The following ZNF248 variants were observed in gnomAD, a reference collection of about 807,000 sequenced individuals.
ZNF248 encodes zinc finger protein 248, also known as KRAB protein domain.
A neutral mutation model predicts 44.3 loss-of-function variants in ZNF248; 20 were observed. The observed-to-expected ratio is 0.45, with a 90% CI of 0.32 to 0.66. The LOEUF is 0.66. ZNF248 is among the 30% of genes least tolerant of loss of function. ZNF248 has a pLI of 0.04. For missense variants in ZNF248, 654 were observed against 677.0 expected (o/e 0.97, Z 0.38); for synonymous variants, 224 against 229.0 (o/e 0.98, Z 0.20).
chr10:37,767,683 A>C, the ZNF248 span, among the ~76,000 whole-genome samples: 1 of 152,102 alleles, frequency 6.6e-6, no homozygotes, highest in Admixed American at 6.5e-5. Context: ...CCAAAATGTA[A>C]AGACCAATCA....
intron 3 of ZNF248, among the ~76,000 whole-genome samples, chr10:37,842,809 T>C (rs998658447): frequency 1.3e-5 from 2 of 152,124 alleles, no homozygotes; most frequent in Non-Finnish European, 2.9e-5. Context: ...TTTGGGAAAT[T>C]TGGGCTTTCA....
the ZNF248 span, among the ~76,000 whole-genome samples, chr10:37,767,962 G>A: frequency 2.6e-5 from 4 of 152,140 alleles, no homozygotes; most frequent in African/African-American, 9.6e-5. Flanking sequence ...CAAAAAAAGG[G>A]AGGGGTTGCA....
chr10:37,766,180 G>A, the ZNF248 span, among the ~76,000 whole-genome samples: 12 of 152,234 alleles, frequency 7.9e-5, no homozygotes, highest in Admixed American at 6.5e-4. Flanking sequence ...CACCTGTGGG[G>A]GCAGGGCACA....
intron 3 of ZNF248, among the ~76,000 whole-genome samples, chr10:37,850,348 CAG>C (rs1253773693): frequency 1.3e-5 from 2 of 152,144 alleles, no homozygotes; most frequent in African/African-American, 2.4e-5. Flanking sequence ...GAAAAAATAG[CAG>C]AGTCAGTCAA....
chr10:37,825,975 T>C (rs976521987), downstream of ZNF248, among the ~76,000 whole-genome samples: 1 of 151,746 alleles, frequency 6.6e-6, no homozygotes, highest in Admixed American at 6.6e-5. Context: ...TGTTCCTCCA[T>C]AATGTTCATT....
intron 6 of ZNF248, chr10:37,820,581 C>CA (rs1050192654): frequency 6.3e-7 from 1 of 1,598,186 alleles, no homozygotes; most frequent in Non-Finnish European, 8.6e-7. Context: ...CCAGCAAACT[C>CA]AAAGTAATCA....
chr10:37,775,089 G>A (rs566087529), downstream of ZNF248, among the ~76,000 whole-genome samples: 1 of 152,112 alleles, frequency 6.6e-6, no homozygotes, highest in South Asian at 2.1e-4. Flanking sequence ...TATTCTTACG[G>A]TCAAAACAAA....
At chr10:37,816,379 C>G (rs1027655693) in intron 6 of ZNF248, among the ~76,000 whole-genome samples, 6 of 152,214 alleles carry the variant, frequency 3.9e-5, no homozygotes, top group African/African-American at 1.4e-4. Flanking sequence ...CTGGCTTCAG[C>G]AAGCTGCTTC....
intron 5 of ZNF248, among the ~76,000 whole-genome samples, chr10:37,836,448 C>T (rs1272550442): frequency 6.6e-6 from 1 of 152,134 alleles, no homozygotes; most frequent in Non-Finnish European, 1.5e-5. Flanking sequence ...TAGCTTCCAA[C>T]CACAGTGATT....
At chr10:37,842,788 GA>G (rs1346129677) in intron 3 of ZNF248, among the ~76,000 whole-genome samples, 1 of 152,130 alleles carries the variant, frequency 6.6e-6, no homozygotes, top group Non-Finnish European at 1.5e-5. Flanking sequence ...AGAAAACCTG[GA>G]AAGGGTTTCT....
intron 6 of ZNF248, among the ~76,000 whole-genome samples, chr10:37,801,385 AC>A (rs920099886): frequency 5.9e-5 from 9 of 152,086 alleles, no homozygotes; most frequent in Middle Eastern, 6.8e-3. Context: ...CAAAAAAAAA[AC>A]ATTATATTGA....
At chr10:37,835,416 T>G (rs998125659) in intron 5 of ZNF248, among the ~76,000 whole-genome samples, 1 of 152,146 alleles carries the variant, frequency 6.6e-6, no homozygotes, top group African/African-American at 2.4e-5. Context: ...GCTCTCTGGT[T>G]TTTGTGTAGC....
intron 6 of ZNF248, among the ~76,000 whole-genome samples, chr10:37,798,625 TAAC>T (rs923162031): frequency 5.3e-5 from 8 of 151,814 alleles, no homozygotes; most frequent in Admixed American, 3.9e-4. Context: ...AATACAAACA[TAAC>T]AAGAAAGGGG....
chr10:37,767,376 A>C, the ZNF248 span, among the ~76,000 whole-genome samples: 1 of 152,182 alleles, frequency 6.6e-6, no homozygotes, highest in Non-Finnish European at 1.5e-5. Context: ...GCCAGAGAGA[A>C]AGGTCGGGTT....
At chr10:37,782,251 A>G (rs1290327138) in intron 6 of ZNF248, among the ~76,000 whole-genome samples, 3 of 152,158 alleles carry the variant, frequency 2.0e-5, no homozygotes, top group Non-Finnish European at 4.4e-5. Context: ...TGAGTTTCAC[A>G]GGTTTGTAGA....
chr10:37,815,966 C>T (rs1002931144), intron 6 of ZNF248, among the ~76,000 whole-genome samples: 6 of 147,112 alleles, frequency 4.1e-5, no homozygotes, highest in Admixed American at 2.8e-4. Flanking sequence ...AGGTCCCAGT[C>T]CTTACATTTC....
the ZNF248 span, among the ~76,000 whole-genome samples, chr10:37,760,821 C>G: frequency 1.3e-5 from 2 of 151,968 alleles, no homozygotes; most frequent in Admixed American, 1.3e-4. Flanking sequence ...GATGACAGAG[C>G]AAGACTCTGT....
chr10:37,828,225 G>A (rs1207485809), downstream of ZNF248, among the ~76,000 whole-genome samples: 2 of 152,130 alleles, frequency 1.3e-5, no homozygotes, highest in East Asian at 1.9e-4. Context: ...ACTCTTCTTC[G>A]AGATCTTATC....
chr10:37,783,078 T>G (rs1411504635), intron 6 of ZNF248, among the ~76,000 whole-genome samples: 1 of 152,128 alleles, frequency 6.6e-6, no homozygotes, highest in Non-Finnish European at 1.5e-5. Context: ...CTAGAAACCT[T>G]TTTTGGGTAT....
Sources: gnomAD v4.1 joint callset for allele counts (sites outside exome capture counted in the v4.1 genomes callset) on GRCh38, gnomAD v4.1.1 for gene constraint, MANE v1.5 for transcripts, NCBI Gene and HGNC (gene_info 2026-07-23, HGNC 2026-07-21) for gene names.